The following SLC24A2 variants were observed in gnomAD, a reference collection of about 807,000 sequenced individuals.
SLC24A2 encodes solute carrier family 24 member 2.
SLC24A2 carries 36 observed loss-of-function variants against 62.0 expected under a neutral mutation model. That is an observed-to-expected ratio of 0.58 (90% CI 0.44 to 0.77). The LOEUF is 0.77. Among genes scored for constraint, SLC24A2 ranks in the 30% least tolerant of loss-of-function variants. The probability of loss-of-function intolerance (pLI) is 0.00; values close to 1 mark genes in which losing one functional copy is unlikely to be tolerated. For missense variants in SLC24A2, 846 were observed against 817.9 expected, an observed-to-expected ratio of 1.03 and a Z score of -0.42; for synonymous variants, 358 against 294.0, an observed-to-expected ratio of 1.22 and a Z score of -2.23.
At chr9:19,824,612 C>T in the SLC24A2 span, among the ~76,000 whole-genome samples, 7 of 152,178 alleles carry the variant, frequency 4.6e-5, no homozygotes, top group East Asian at 9.7e-4. Flanking sequence ...GACAGTGTGG[C>T]GATTCCTCAA....
chr9:19,992,700 T>C, the SLC24A2 span, among the ~76,000 whole-genome samples: 1 of 152,196 alleles, frequency 6.6e-6, no homozygotes, highest in Non-Finnish European at 1.5e-5. Context: ...AAAAAATCAC[T>C]CATGCCACTG....
At chr9:20,120,887 T>C in the SLC24A2 span, among the ~76,000 whole-genome samples, 1 of 151,828 alleles carries the variant, frequency 6.6e-6, no homozygotes, top group Non-Finnish European at 1.5e-5. Context: ...TAATATCTTC[T>C]TTCATTGAAT....
chr9:19,911,721 T>G, the SLC24A2 span, among the ~76,000 whole-genome samples: 1 of 152,218 alleles, frequency 6.6e-6, no homozygotes, highest in Non-Finnish European at 1.5e-5. Context: ...TTAATGGCTC[T>G]ATCTTAGCTT....
the SLC24A2 span, chr9:19,895,897 G>T: frequency 1.3e-5 from 21 of 1,613,464 alleles, no homozygotes; most frequent in Non-Finnish European, 1.8e-5. Flanking sequence ...GATGCGCCGG[G>T]CAGGGTCAAA....
chr9:19,906,920 C>T, the SLC24A2 span, among the ~76,000 whole-genome samples: 1 of 152,194 alleles, frequency 6.6e-6, no homozygotes, highest in South Asian at 2.1e-4. Flanking sequence ...GGCACCATTC[C>T]TTCTGAAACT....
intron 2 of SLC24A2, among the ~76,000 whole-genome samples, chr9:19,717,037 G>C (rs1384231888): frequency 6.6e-6 from 1 of 152,168 alleles, no homozygotes; most frequent in African/African-American, 2.4e-5. Flanking sequence ...AGCTGTTTGT[G>C]ATCTGATATC....
the SLC24A2 span, among the ~76,000 whole-genome samples, chr9:20,269,301 G>T: frequency 3.9e-5 from 6 of 152,098 alleles, no homozygotes; most frequent in Non-Finnish European, 8.8e-5. Flanking sequence ...GGTAAGAAAA[G>T]GAGACGCATC....
At chr9:20,091,679 C>T in the SLC24A2 span, among the ~76,000 whole-genome samples, 1 of 152,132 alleles carries the variant, frequency 6.6e-6, no homozygotes, top group Non-Finnish European at 1.5e-5. Context: ...CTGTTACCAC[C>T]CGGCCTGCCT....
the SLC24A2 span, among the ~76,000 whole-genome samples, chr9:20,288,791 C>T: frequency 6.7e-6 from 1 of 149,756 alleles, no homozygotes; most frequent in East Asian, 2.0e-4. Flanking sequence ...CACAATGCAA[C>T]TTCCCAGGCT....
chr9:19,795,049 A>G, the SLC24A2 span, among the ~76,000 whole-genome samples: 1 of 152,270 alleles, frequency 6.6e-6, no homozygotes, highest in African/African-American at 2.4e-5. Context: ...TGCTGTGTCT[A>G]TGGTTTCTGA....
At chr9:19,619,367 G>A (rs895477906) in intron 4 of SLC24A2, among the ~76,000 whole-genome samples, 6 of 152,126 alleles carry the variant, frequency 3.9e-5, no homozygotes, top group Admixed American at 2.6e-4. Flanking sequence ...ATCAGCACAC[G>A]GACCTCACAT....
At chr9:20,047,435 T>C in the SLC24A2 span, among the ~76,000 whole-genome samples, 1 of 151,494 alleles carries the variant, frequency 6.6e-6, no homozygotes, top group Non-Finnish European at 1.5e-5. Flanking sequence ...ATTATTAAGA[T>C]AAGGGGATGA....
chr9:19,990,559 A>G, the SLC24A2 span, among the ~76,000 whole-genome samples: 1 of 150,994 alleles, frequency 6.6e-6, no homozygotes, highest in East Asian at 1.9e-4. Context: ...TGCAGTGAGA[A>G]GAGATCACAC....
chr9:20,297,189 A>G, the SLC24A2 span, among the ~76,000 whole-genome samples: 1 of 152,214 alleles, frequency 6.6e-6, no homozygotes, highest in African/African-American at 2.4e-5. Flanking sequence ...GAACATCCTC[A>G]TGACCAATGT....
Position 19,569,401 on chromosome 9 carries a change from A to G in SLC24A2, c.1347+3950T>C, listed in dbSNP as rs190704246. Among the ~76,000 whole-genome samples the G allele has an allele frequency of 3.9e-4, 59 of 152,198 alleles. No homozygotes were observed. The East Asian group carries it at 0.011, about 29-fold the overall frequency. On this transcript the variant is annotated intron_variant, in intron 7 of 10. Transcript: ENST00000341998. Reference sequence around the variant, plus strand: ...TTCTAAGAGAATTGTCTTTCTATAAAACAAATCTGACACTGCCACTGCTCC... The same window carrying G: ...TTCTAAGAGAATTGTCTTTCTATAAGACAAATCTGACACTGCCACTGCTCC...
intron 4 of SLC24A2, among the ~76,000 whole-genome samples, chr9:19,598,653 T>C (rs1423723470): frequency 1.3e-5 from 2 of 151,744 alleles, no homozygotes; most frequent in Non-Finnish European, 2.9e-5. Context: ...TTGCCATCAG[T>C]GAAAAAAATA....
At position 19,573,485 on chromosome 9, in the gene SLC24A2, AAC is replaced by A. The variant is rs59489637; in HGVS notation, c.1229-18_1229-17del. 6.0e-4 allele frequency: 490 copies of A among 819,316 alleles called. 2 individuals are homozygous for A. The highest frequency in any genetic ancestry group is 2.3e-3 in the African/African-American group (121 of 53,604). 50.8% of individuals were successfully genotyped at this position (819,316 alleles called of 1,614,324 possible). On this transcript the variant is annotated splice_polypyrimidine_tract_variant and intron_variant, in intron 6 of 10. Transcript: ENST00000341998. ...TCAATTTTTTCTGTGATATAATTTA[AAC>A]ACACACACACACACACACACACACA...
chr9:20,061,837 G>T, the SLC24A2 span, among the ~76,000 whole-genome samples: 26,706 of 151,848 alleles, frequency 0.18, 2,375 homozygotes, highest in East Asian at 0.23. Flanking sequence ...CCTGGTAAAC[G>T]GGACTTTACA....
chr9:20,057,076 G>C, the SLC24A2 span, among the ~76,000 whole-genome samples: 55 of 152,246 alleles, frequency 3.6e-4, no homozygotes, highest in African/African-American at 1.3e-3. Flanking sequence ...TTGTTCACTT[G>C]ATTGAACCCC....
Sources: gnomAD v4.1 joint callset for allele counts (sites outside exome capture counted in the v4.1 genomes callset) on GRCh38, gnomAD v4.1.1 for gene constraint, MANE v1.5 for transcripts, NCBI Gene and HGNC (gene_info 2026-07-23, HGNC 2026-07-21) for gene names.